The following IQCK variants were observed in gnomAD, a reference collection of about 807,000 sequenced individuals.
IQCK encodes IQ domain-containing protein K.
Under a neutral mutation model 28.1 loss-of-function variants are expected in IQCK, and 29 were observed. The ratio of observed to expected loss-of-function variants is 1.03; its 90% CI spans 0.77 to 1.41. IQCK has a LOEUF of 1.41. Ranked by LOEUF, IQCK falls within the 40% of genes most tolerant of loss-of-function variation. IQCK has a pLI of 0.00. For missense variants in IQCK, 359 were observed against 314.7 expected (o/e 1.14, Z -1.07); for synonymous variants, 113 against 115.1 (o/e 0.98, Z 0.12).
At chr16:19,719,761 G>T (rs752798568) in intron 1 of IQCK, among the ~76,000 whole-genome samples, 4 of 139,664 alleles carry the variant, frequency 2.9e-5, no homozygotes, top group Non-Finnish European at 4.5e-5. Context: ...TGCAACCTCC[G>T]CCTCCCGGGT....
chr16:19,730,151 T>C (rs11861093), intron 1 of IQCK, among the ~76,000 whole-genome samples: 2,789 of 152,198 alleles, frequency 0.018, 68 homozygotes, highest in African/African-American at 0.063. Flanking sequence ...AGACAGGGTT[T>C]CACCAGGTTG....
intron 7 of IQCK, among the ~76,000 whole-genome samples, chr16:19,816,147 C>G (rs2055986526): frequency 6.6e-6 from 1 of 152,170 alleles, no homozygotes; most frequent in South Asian, 2.1e-4. Flanking sequence ...CAGGCTGTTG[C>G]TAGGTTTTTG....
At chr16:19,803,906 C>T (rs60971311) in intron 7 of IQCK, among the ~76,000 whole-genome samples, 42,925 of 152,006 alleles carry the variant, frequency 0.28, 8,329 homozygotes, top group African/African-American at 0.55. Flanking sequence ...CCTTGGCCCC[C>T]CAAAGTGCTG....
In IQCK at chr16:19,834,196, C is replaced by T. The variant is rs150852470; in HGVS notation, c.802+7059C>T. ...AAGGATGTCTGCAACTAAGGAGTAG[C>T]TACGAGCGATGGAGCTTATGCCATG... On this transcript the variant is annotated intron_variant, in intron 9 of 9. Transcript: ENST00000320394. Among the ~76,000 whole-genome samples, 658 of 152,312 alleles carry T rather than the reference C, an allele frequency of 4.3e-3. 6 individuals are homozygous for T. Among genetic ancestry groups the T allele is most frequent in the African/African-American group, 0.015 (622 of 41,572 alleles).
intron 7 of IQCK, among the ~76,000 whole-genome samples, chr16:19,813,023 G>T (rs1226671978): frequency 1.3e-5 from 2 of 152,238 alleles, no homozygotes; most frequent in African/African-American, 4.8e-5. Flanking sequence ...TGAAGCCCAT[G>T]AATTTGCATT....
intron 1 of IQCK, among the ~76,000 whole-genome samples, chr16:19,721,870 G>T (rs932640041): frequency 1.6e-4 from 25 of 152,080 alleles, no homozygotes; most frequent in Admixed American, 1.2e-3. Context: ...GAGCCACCGC[G>T]CCTGGCCTTA....
chr16:19,785,687 A>G (rs1020521351), intron 6 of IQCK, among the ~76,000 whole-genome samples: 2 of 152,190 alleles, frequency 1.3e-5, no homozygotes, highest in Non-Finnish European at 2.9e-5. Context: ...TCTACAACCA[A>G]TCAGACTGAT....
chr16:19,766,421 G>A (rs1222245823), intron 6 of IQCK, among the ~76,000 whole-genome samples: 1 of 152,206 alleles, frequency 6.6e-6, no homozygotes, highest in Non-Finnish European at 1.5e-5. Context: ...CTGGGGCAGC[G>A]GCCAAGCTGG....
At position 19,760,915 on chromosome 16, in the gene IQCK, A is replaced by C. The variant is rs556134805; in HGVS notation, c.475-2933A>C. Among the ~76,000 whole-genome samples the C allele has an allele frequency of 2.6e-5, 4 of 152,330 alleles. No individual in the cohort carries two copies. In the South Asian group the frequency reaches 8.3e-4, roughly 32 times the overall value. ...TGGATTATTCATGCCTCCCATGTTT[A>C]GATGATCTAGGGTAACTTTCTGATG... On this transcript the variant is annotated intron_variant, in intron 4 of 7. Coordinates refer to ENST00000564186, the Ensembl canonical transcript of IQCK.
intron 6 of IQCK, among the ~76,000 whole-genome samples, chr16:19,774,639 C>T (rs569203911): frequency 6.6e-6 from 1 of 152,206 alleles, no homozygotes; most frequent in South Asian, 2.1e-4. Context: ...GCTGGGATTA[C>T]AGGCGTGAGC....
chr16:19,835,805 G>A lies in IQCK; in HGVS notation c.802+8668G>A, dbSNP rs897135296. On this transcript the variant is annotated intron_variant, in intron 9 of 9. Coordinates refer to the IQCK transcript ENST00000320394. ...TCACCATGTTGGCTAGGCTGGTCTC[G>A]AACTCCTGACCTCAGGTGATCCACC... 1.6e-4 allele frequency among the ~76,000 whole-genome samples: 25 copies of A among 152,008 alleles called. No homozygotes were observed. The Middle Eastern group carries it at 0.01, about 62-fold the overall frequency.
chr16:19,801,686 C>T (rs190330186), intron 7 of IQCK, among the ~76,000 whole-genome samples: 36 of 139,670 alleles, frequency 2.6e-4, no homozygotes, highest in Non-Finnish European at 4.5e-4. Flanking sequence ...AAGCCTTCCA[C>T]GCTACACGTG....
At chr16:19,810,162 A>G (rs2055884342) in intron 7 of IQCK, among the ~76,000 whole-genome samples, 1 of 152,126 alleles carries the variant, frequency 6.6e-6, no homozygotes, top group South Asian at 2.1e-4. Context: ...AAGTTTAGGC[A>G]AGTTATTCTA....
intron 4 of IQCK, among the ~76,000 whole-genome samples, chr16:19,740,145 C>T (rs1399502183): frequency 6.6e-6 from 1 of 152,176 alleles, no homozygotes; most frequent in Non-Finnish European, 1.5e-5. Context: ...TAGCTATTTT[C>T]TGAAGAACAG....
intron 9 of IQCK, among the ~76,000 whole-genome samples, chr16:19,834,010 C>T (rs572737341): frequency 2.0e-5 from 3 of 152,076 alleles, no homozygotes; most frequent in African/African-American, 7.2e-5. Flanking sequence ...ATTGCTTGAG[C>T]CTAGGAACCC....
rs879224319 is a variant in IQCK at position 19,735,621 on chromosome 16, C to T, written c.474+171C>T. ...GTTCCAGCCACACCATCTAGTTGTG[C>T]ACATACATGCGCTGCCATCTGTCTG... On this transcript the variant is annotated intron_variant, in intron 4 of 7. Coordinates refer to ENST00000564186, the Ensembl canonical transcript of IQCK. The T allele has an allele frequency of 1.8e-5, 11 of 607,522 alleles. No homozygotes were observed. The Admixed American group carries it at 2.8e-4, about 15-fold the overall frequency. 37.6% of individuals were successfully genotyped at this position (607,522 alleles called of 1,614,324 possible).
At chr16:19,769,295 T>G (rs1003332750) in intron 6 of IQCK, among the ~76,000 whole-genome samples, 3 of 151,962 alleles carry the variant, frequency 2.0e-5, no homozygotes, top group Non-Finnish European at 2.9e-5. Context: ...GAGGGAGGAG[T>G]ATCAAAGAAT....
intron 4 of IQCK, among the ~76,000 whole-genome samples, chr16:19,755,681 C>T (rs536487329): frequency 6.6e-6 from 1 of 152,312 alleles, no homozygotes; most frequent in East Asian, 1.9e-4. Context: ...CCAGGTCTTC[C>T]TGAGACCTGG....
intron 4 of IQCK, among the ~76,000 whole-genome samples, chr16:19,758,323 C>T (rs928885464): frequency 3.3e-5 from 5 of 152,228 alleles, no homozygotes; most frequent in East Asian, 3.8e-4. Context: ...ATGCACAGCA[C>T]GTCCACGCTT....
Sources: gnomAD v4.1 joint callset for allele counts (sites outside exome capture counted in the v4.1 genomes callset) on GRCh38, gnomAD v4.1.1 for gene constraint, MANE v1.5 for transcripts, NCBI Gene and HGNC (gene_info 2026-07-23, HGNC 2026-07-21) for gene names.